The following PIEZO1 variants were observed in gnomAD, a reference collection of about 807,000 sequenced individuals.
PIEZO1 encodes the protein piezo-type mechanosensitive ion channel component 1.
In PIEZO1, 296 loss-of-function variants were observed where a neutral mutation model predicts 297.2. The ratio of observed to expected loss-of-function variants is 1.00; its 90% CI spans 0.91 to 1.10. PIEZO1 has a LOEUF of 1.10. Among genes scored for constraint, PIEZO1 ranks in the 50% least tolerant of loss-of-function variants. The pLI is 0.00. For missense variants in PIEZO1, 5,018 were observed against 3,455.5 expected, an observed-to-expected ratio of 1.45 and a Z score of -11.34; for synonymous variants, 2,427 against 1,507.5, an observed-to-expected ratio of 1.61 and a Z score of -14.13.
At chr16:88,774,523 T>A (rs1472434415) in intron 1 of PIEZO1, among the ~76,000 whole-genome samples, 3 of 151,950 alleles carry the variant, frequency 2.0e-5, no homozygotes, top group Non-Finnish European at 4.4e-5. Flanking sequence ...GGCTCCAGAG[T>A]CCCCAGCAGC....
intron 1 of PIEZO1, among the ~76,000 whole-genome samples, chr16:88,771,630 C>G (rs1907428134): frequency 6.6e-6 from 1 of 152,258 alleles, no homozygotes; most frequent in East Asian, 1.9e-4. Context: ...GGGGGTCCCC[C>G]TCAGCCCACA....
intron 1 of PIEZO1, among the ~76,000 whole-genome samples, chr16:88,773,491 G>T (rs1220085299): frequency 2.0e-5 from 3 of 152,234 alleles, no homozygotes; most frequent in South Asian, 4.1e-4. Flanking sequence ...GGCCTCACTA[G>T]GGGAAGGGTG....
intron 24 of PIEZO1, 39 bp downstream of exon 24, chr16:88,727,000 T>A: frequency 6.5e-7 from 1 of 1,548,740 alleles, no homozygotes; most frequent in East Asian, 2.4e-5. Context: ...CGGCCACCCC[T>A]CCCAGAAGGT....
At chr16:88,752,681 C>T (rs1383316740) in intron 1 of PIEZO1, among the ~76,000 whole-genome samples, 1 of 152,076 alleles carries the variant, frequency 6.6e-6, no homozygotes, top group Admixed American at 6.5e-5. Context: ...CTGGCCGAGC[C>T]AGAGGGGAAC....
At position 88,715,755 on chromosome 16, in the gene PIEZO1, C is replaced by A. The variant is rs763489080; in HGVS notation, c.7416G>T (p.Pro2472=). ...ISHSIMFEEL[P]CVDRILKLCQ... is the part of the protein sequence containing the mutation. ...AGAGCTTGAGGATGCGGTCCACGCACGGCAGCTCCTCGAACATAATGGAGT... is the reference window on the plus strand; with the variant it reads ...AGAGCTTGAGGATGCGGTCCACGCAAGGCAGCTCCTCGAACATAATGGAGT... Residue 2472 remains proline, a synonymous_variant, in exon 51 of 51, where the codon CCG becomes CCT. Transcript: ENST00000301015. 1.3e-6 allele frequency: 2 copies of A among 1,550,440 alleles called. No individual in the cohort carries two copies. Among genetic ancestry groups the A allele is most frequent in the Non-Finnish European group, 8.7e-7 (1 of 1,146,974 alleles).
intron 42 of PIEZO1, 50 bp from the exon 43 acceptor site, chr16:88,720,010 G>A (rs562501867): frequency 1.6e-4 from 250 of 1,549,116 alleles, no homozygotes; most frequent in Non-Finnish European, 2.9e-5. Context: ...AGCCCCGCAG[G>A]GCCCCCAGCC....
At chr16:88,742,022 T>C in intron 4 of PIEZO1, 31 bp downstream of exon 4, 1 of 1,534,558 alleles carries the variant, frequency 6.5e-7, no homozygotes, top group Non-Finnish European at 8.7e-7. Context: ...AAGGGAGGCT[T>C]GCTGGTTGGG....
intron 16 of PIEZO1, 56 bp downstream of exon 16, chr16:88,734,300 C>T: frequency 1.4e-6 from 2 of 1,425,044 alleles, no homozygotes; most frequent in Admixed American, 2.7e-5. Flanking sequence ...CTGGCTCCCT[C>T]CCTGGCCCAG....
In PIEZO1 at chr16:88,726,121, G is replaced by A. The variant is rs74597321; in HGVS notation, c.3968+163C>T. 0.015 allele frequency: 9,471 copies of A among 622,728 alleles called. 92 individuals are homozygous for A. The highest frequency in any genetic ancestry group is 0.021 in the Non-Finnish European group (7,598 of 358,246). 38.6% of individuals were successfully genotyped at this position (622,728 alleles called of 1,614,324 possible). ...CACTGGGGCAGAGTGTGATGGTGCCGGGGATCTGCCGGCCTTCATTCTCCC... is the reference window on the plus strand; with the variant it reads ...CACTGGGGCAGAGTGTGATGGTGCCAGGGATCTGCCGGCCTTCATTCTCCC... On this transcript the variant is annotated intron_variant, in intron 27 of 50. Coordinates refer to ENST00000301015, the MANE Select transcript of PIEZO1 (RefSeq NM_001142864.4).
intron 1 of PIEZO1, among the ~76,000 whole-genome samples, chr16:88,754,470 C>A (rs1203593873): frequency 1.3e-5 from 2 of 152,182 alleles, no homozygotes; most frequent in Admixed American, 1.3e-4. Flanking sequence ...GGGATGAGAC[C>A]CTTGCAGCTG....
chr16:88,734,845 CCCCAGCCCCCAT>C lies in PIEZO1; in HGVS notation c.1848+18_1848+29del. On this transcript the variant is annotated intron_variant, in intron 14 of 50. Coordinates refer to ENST00000301015, the MANE Select transcript of PIEZO1 (RefSeq NM_001142864.4). The stretch of plus-strand genomic sequence containing the variant: ...GTGAGGACCGCGGGGAGGGTCCGTG[CCCCAGCCCCCAT>C]CCCGGCCCCCCAGCCACCTGGAAGA... 1 of 1,549,954 alleles carries C rather than the reference CCCCAGCCCCCAT, an allele frequency of 6.5e-7. No individual in the cohort carries two copies. Among genetic ancestry groups the C allele is most frequent in the Non-Finnish European group, 8.7e-7 (1 of 1,146,730 alleles).
Position 88,749,399 on chromosome 16 carries a change from G to A in PIEZO1, c.145C>T (p.Arg49Ter), listed in dbSNP as rs1166469802. The A allele has an allele frequency of 5.3e-6, 8 of 1,514,476 alleles. No homozygotes were observed. The highest frequency in any genetic ancestry group is 2.1e-5 in the Admixed American group (1 of 47,502). 93.8% of individuals were successfully genotyped at this position (1,514,476 alleles called of 1,614,324 possible). ...CTGGCCTTACCTTGGAGGCCGCATC[G>A]GGTGGGGCCGGGGAACCAGGGCAGC... Reference protein sequence around the residue: ...LLLPWFPGPTRCGLQGHTGRL... With the variant: ...LLLPWFPGPT The change falls in exon 2 of 51, where the codon CGA (arginine) becomes TGA (stop). Residue 49 changes from arginine to a stop codon, truncating the protein, a stop_gained. Coordinates refer to ENST00000301015, the MANE Select transcript of PIEZO1 (RefSeq NM_001142864.4). LOFTEE classifies it high-confidence loss of function.
Position 88,736,177 on chromosome 16 carries a change from G to T in PIEZO1, c.1528C>A (p.Arg510Ser). The T allele has an allele frequency of 6.5e-7, 1 of 1,548,636 alleles. No homozygotes were observed. The highest frequency in any genetic ancestry group is 1.4e-5 in the African/African-American group (1 of 73,112). Reference sequence around the variant, plus strand: ...GCACCAAGGTCCAGACAGGGGTAGCGGGTGTGCTCCAGCCCCAGCTGGCGC... The same window carrying T: ...GCACCAAGGTCCAGACAGGGGTAGCTGGTGTGCTCCAGCCCCAGCTGGCGC... ...SLRQLGLEHT[R>S]YPCLDLGAML... is the part of the protein sequence containing the mutation. Residue 510 changes from arginine to serine, a missense_variant, in exon 12 of 51, where the codon CGC (arginine) becomes AGC (serine). Transcript: ENST00000301015.
At chr16:88,764,751 CAAA>C (rs532714692) in intron 1 of PIEZO1, among the ~76,000 whole-genome samples, 5 of 90,402 alleles carry the variant, frequency 5.5e-5, no homozygotes, top group Admixed American at 1.2e-4. Context: ...AACTCCGTCT[CAAA>C]AAAAAAAAAA....
chr16:88,726,770 C>T lies in PIEZO1; in HGVS notation c.3644G>A (p.Trp1215Ter). Residue 1215 changes from tryptophan to a stop codon, truncating the protein, a stop_gained, in exon 25 of 51, where the codon TGG becomes TAG. Coordinates refer to ENST00000301015, the MANE Select transcript of PIEZO1 (RefSeq NM_001142864.4). LOFTEE classifies it high-confidence loss of function. Reference protein sequence around the residue: ...QRDTRARLVLWDCLILYNVTV... With the variant: ...QRDTRARLVL The stretch of plus-strand genomic sequence containing the variant: ...GACGTTGTACAGAATGAGGCAGTCC[C>T]ACAGCACGAGGCGGGCCCGTGTGTC... 1.3e-6 allele frequency: 2 copies of T among 1,550,190 alleles called. No individual in the cohort carries two copies. The highest frequency in any genetic ancestry group is 1.7e-6 in the Non-Finnish European group (2 of 1,146,874).
chr16:88,774,317 G>C (rs1376552128), intron 1 of PIEZO1, among the ~76,000 whole-genome samples: 2 of 152,228 alleles, frequency 1.3e-5, no homozygotes, highest in Admixed American at 6.5e-5. Flanking sequence ...CTTGAACCCG[G>C]GAGGCGGAGT....
chr16:88,719,976 CA>C lies in PIEZO1; in HGVS notation c.6165-17del. On this transcript the variant is annotated splice_polypyrimidine_tract_variant and intron_variant, in intron 42 of 50. Transcript: ENST00000301015. Reference sequence around the variant, plus strand: ...GTTGAACATCCTGGGGCGGGATGGCCAGGTCAAGGACCCCATCAGAAACAGC... The same window carrying C: ...GTTGAACATCCTGGGGCGGGATGGCCGGTCAAGGACCCCATCAGAAACAGC... 6.5e-7 allele frequency: 1 copy of C among 1,550,104 alleles called. No individual in the cohort carries two copies. Among genetic ancestry groups the C allele is most frequent in the Non-Finnish European group, 8.7e-7 (1 of 1,146,822 alleles).
At chr16:88,761,975 C>T (rs1012803181) in intron 1 of PIEZO1, among the ~76,000 whole-genome samples, 6 of 152,330 alleles carry the variant, frequency 3.9e-5, no homozygotes, top group East Asian at 1.9e-4. Context: ...GTGGGTTCCT[C>T]GCCAGCCCCC....
chr16:88,785,051 G>A lies in PIEZO1; in HGVS notation c.-87C>T. 2.5e-6 allele frequency: 2 copies of A among 803,122 alleles called. No homozygotes were observed. Among genetic ancestry groups the A allele is most frequent in the Non-Finnish European group, 3.3e-6 (2 of 614,478 alleles). The allele number at this position is 803,122 out of a possible 1,614,324, so 49.7% of individuals were successfully genotyped here. On this transcript the variant is annotated 5_prime_UTR_variant, in exon 1 of 51. Coordinates refer to ENST00000301015, the MANE Select transcript of PIEZO1 (RefSeq NM_001142864.4). The stretch of plus-strand genomic sequence containing the variant: ...GGGGGCCCCGGGGCCGGCGCGCCAT[G>A]GCTGACCCGCGGGGACCCGCGCGCC...
Sources: gnomAD v4.1 joint callset for allele counts (sites outside exome capture counted in the v4.1 genomes callset) on GRCh38, gnomAD v4.1.1 for gene constraint, MANE v1.5 for transcripts, NCBI Gene and HGNC (gene_info 2026-07-23, HGNC 2026-07-21) for gene names.